ZBTB7C: variants seen among roughly 807,000 people sequenced by gnomAD.
ZBTB7C encodes zinc finger and BTB domain containing 7C.
ZBTB7C carries 8 observed loss-of-function variants against 25.7 expected under a neutral mutation model. The observed-to-expected ratio is 0.31, with a 90% CI of 0.18 to 0.56. The LOEUF is 0.56. Among genes scored for constraint, ZBTB7C ranks in the 20% least tolerant of loss-of-function variants. ZBTB7C has a pLI of 0.91. For missense variants in ZBTB7C, 824 were observed against 855.2 expected (o/e 0.96, Z 0.46); for synonymous variants, 394 against 369.0 (o/e 1.07, Z -0.78).
intron 2 of ZBTB7C, among the ~76,000 whole-genome samples, chr18:48,234,410 AC>A (rs2043327008): frequency 6.6e-6 from 1 of 152,130 alleles, no homozygotes; most frequent in Non-Finnish European, 1.5e-5. Flanking sequence ...TTTCTGTCTA[AC>A]CCCAACCCCG....
chr18:48,047,735 A>G (rs1180095585), intron 3 of ZBTB7C, among the ~76,000 whole-genome samples: 1 of 152,202 alleles, frequency 6.6e-6, no homozygotes, highest in Non-Finnish European at 1.5e-5. Flanking sequence ...CTCTCTCCCT[A>G]CCAAGGGGCC....
At chr18:48,031,003 C>T (rs542463971) in intron 4 of ZBTB7C, among the ~76,000 whole-genome samples, 66 of 152,334 alleles carry the variant, frequency 4.3e-4, no homozygotes, top group Non-Finnish European at 8.8e-4. Flanking sequence ...TGTGTCTAGT[C>T]TCCTACTTCC....
At chr18:48,083,961 T>C in intron 3 of ZBTB7C, 2 of 899,926 alleles carry the variant, frequency 2.2e-6, no homozygotes, top group Non-Finnish European at 2.7e-6. Flanking sequence ...TGAGACCGAC[T>C]CTCCAGGGTC....
intron 2 of ZBTB7C, among the ~76,000 whole-genome samples, chr18:48,226,684 G>T (rs1393521235): frequency 6.6e-6 from 1 of 152,186 alleles, no homozygotes; most frequent in Non-Finnish European, 1.5e-5. Flanking sequence ...TGACTCTCTG[G>T]CCAGCTGGCC....
intron 3 of ZBTB7C, chr18:48,137,312 G>T: frequency 1.0e-6 from 1 of 985,462 alleles, no homozygotes. Context: ...ACCAAATTAA[G>T]ATCTTTGGAA....
chr18:48,094,352 T>C (rs1307863857), intron 3 of ZBTB7C, among the ~76,000 whole-genome samples: 1 of 152,232 alleles, frequency 6.6e-6, no homozygotes, highest in East Asian at 1.9e-4. Context: ...TTGTAGCATT[T>C]GACGAGCACC....
intron 2 of ZBTB7C, among the ~76,000 whole-genome samples, chr18:48,238,916 A>G (rs2043451321): frequency 6.6e-6 from 1 of 152,114 alleles, no homozygotes; most frequent in Admixed American, 6.5e-5. Context: ...AGCCCCACTC[A>G]CCGGCTGCCT....
chr18:48,367,177 A>T (rs962774129), intron 1 of ZBTB7C, among the ~76,000 whole-genome samples: 3 of 18,392 alleles, frequency 1.6e-4, no homozygotes, highest in Admixed American at 9.7e-4. Context: ...CCCAAGTTTT[A>T]TATATATATA....
At chr18:48,101,778 A>G (rs762646035) in intron 3 of ZBTB7C, among the ~76,000 whole-genome samples, 1 of 152,220 alleles carries the variant, frequency 6.6e-6, no homozygotes, top group Non-Finnish European at 1.5e-5. Flanking sequence ...AGGTCTAACC[A>G]TCTGGTCTCT....
intron 3 of ZBTB7C, chr18:48,165,411 C>A: frequency 5.9e-6 from 2 of 336,622 alleles, no homozygotes; most frequent in Non-Finnish European, 1.2e-5. Context: ...AAGTCCTCCT[C>A]TGTATTCAGA....
At chr18:48,390,070 C>T (rs533648706) in intron 1 of ZBTB7C, among the ~76,000 whole-genome samples, 14 of 152,286 alleles carry the variant, frequency 9.2e-5, no homozygotes, top group South Asian at 8.3e-4. Context: ...GAGCCCTGAA[C>T]GAAGGAGCAT....
intron 2 of ZBTB7C, among the ~76,000 whole-genome samples, chr18:48,282,490 T>C (rs1192672605): frequency 7.2e-5 from 11 of 152,104 alleles, no homozygotes; most frequent in Non-Finnish European, 1.5e-5. Flanking sequence ...TGTTATGACC[T>C]GGCAATTCCA....
Position 48,029,500 on chromosome 18 carries a change from G to T in ZBTB7C, c.1620C>A (p.Gly540=). 6.3e-7 allele frequency: 1 copy of T among 1,590,724 alleles called. No individual in the cohort carries two copies. The highest frequency in any genetic ancestry group is 1.1e-5 in the South Asian group (1 of 89,434). The change falls in exon 5 of 5, where the codon GGC becomes GGA. Residue 540 remains glycine, a synonymous_variant. Transcript: ENST00000590800. ...GCTCCAGCTCTTGCAGGCTCAGGGCGCCCTTGGGCGCTGCCAGGAAGTGCT... is the reference window on the plus strand; with the variant it reads ...GCTCCAGCTCTTGCAGGCTCAGGGCTCCCTTGGGCGCTGCCAGGAAGTGCT... The part of the protein sequence containing the change: ...PAKHFLAAPK[G]ALSLQELERQ...
At chr18:48,120,680 G>A (rs2039598775) in intron 3 of ZBTB7C, among the ~76,000 whole-genome samples, 2 of 152,094 alleles carry the variant, frequency 1.3e-5, no homozygotes, top group South Asian at 4.1e-4. Context: ...AGCAGGACAG[G>A]GATGTGTCTA....
At chr18:48,385,983 C>T (rs774100632) in intron 1 of ZBTB7C, among the ~76,000 whole-genome samples, 2 of 152,156 alleles carry the variant, frequency 1.3e-5, no homozygotes, top group Non-Finnish European at 2.9e-5. Context: ...AGATATTATA[C>T]AATATGTGAA....
intron 4 of ZBTB7C, among the ~76,000 whole-genome samples, chr18:48,039,514 A>C (rs2036122525): frequency 6.6e-6 from 1 of 152,290 alleles, no homozygotes; most frequent in South Asian, 2.1e-4. Context: ...GCTTCTCCAA[A>C]TCAAACAAAG....
intron 3 of ZBTB7C, among the ~76,000 whole-genome samples, chr18:48,168,431 T>C (rs1303760499): frequency 6.6e-6 from 1 of 152,216 alleles, no homozygotes; most frequent in Non-Finnish European, 1.5e-5. Context: ...ACAATCCAAG[T>C]TAAAAACAGA....
chr18:48,252,672 C>G (rs561101527), intron 2 of ZBTB7C: 3 of 152,342 alleles, frequency 2.0e-5, no homozygotes, highest in Non-Finnish European at 4.4e-5. Context: ...CTGCATCGCT[C>G]AATCCTGCAA....
intron 2 of ZBTB7C, among the ~76,000 whole-genome samples, chr18:48,336,415 G>A (rs1403796970): frequency 6.6e-6 from 1 of 152,154 alleles, no homozygotes; most frequent in Non-Finnish European, 1.5e-5. Context: ...TCCTAAGTGT[G>A]TTACATGTTT....
Sources: allele counts gnomAD v4.1 joint callset (sites outside exome capture counted in the v4.1 genomes callset), GRCh38; gene constraint gnomAD v4.1.1; transcripts MANE v1.5; gene names NCBI Gene and HGNC (gene_info 2026-07-23, HGNC 2026-07-21).